Variants in ZNF804B observed in about 807,000 individuals in gnomAD.
ZNF804B encodes zinc finger protein 804B.
In ZNF804B, 80 loss-of-function variants were observed where a neutral mutation model predicts 101.4. The observed-to-expected ratio is 0.79, with a 90% confidence interval of 0.66 to 0.95. The LOEUF is 0.95. ZNF804B is among the 40% of genes least tolerant of loss of function. The probability of loss-of-function intolerance (pLI) is 0.00; values close to 1 mark genes in which losing one functional copy is unlikely to be tolerated. For synonymous variants in ZNF804B, 622 were observed against 558.8 expected (o/e 1.11, Z -1.59); for missense variants, 1,673 against 1,561.9 (o/e 1.07, Z -1.20).
intron 1 of ZNF804B, among the ~76,000 whole-genome samples, chr7:88,973,290 T>C (rs1235657873): frequency 6.6e-6 from 1 of 151,370 alleles, no homozygotes; most frequent in Non-Finnish European, 1.5e-5. Context: ...TGAATAAGTT[T>C]AGTTTATTAT....
intron 1 of ZNF804B, among the ~76,000 whole-genome samples, chr7:89,162,529 C>A (rs188870186): frequency 6.6e-6 from 1 of 151,168 alleles, no homozygotes; most frequent in Non-Finnish European, 1.5e-5. Context: ...TTCTCATTTA[C>A]TAATACCTTT....
chr7:89,234,653 T>C (rs1393517312), intron 2 of ZNF804B, among the ~76,000 whole-genome samples: 1 of 152,134 alleles, frequency 6.6e-6, no homozygotes, highest in Non-Finnish European at 1.5e-5. Flanking sequence ...TCTCTTTCTG[T>C]TTCCTCGTCT....
intron 3 of ZNF804B, among the ~76,000 whole-genome samples, chr7:89,328,266 G>C (rs889414634): frequency 2.0e-5 from 3 of 151,770 alleles, no homozygotes; most frequent in Admixed American, 1.3e-4. Context: ...CAAAATATTA[G>C]ACTTAAAAGG....
At chr7:88,808,275 A>G (rs1379024965) in intron 1 of ZNF804B, among the ~76,000 whole-genome samples, 2 of 151,652 alleles carry the variant, frequency 1.3e-5, no homozygotes, top group Non-Finnish European at 2.9e-5. Context: ...CCAGCTACTC[A>G]GGAGGCTGAG....
intron 2 of ZNF804B, among the ~76,000 whole-genome samples, chr7:89,223,610 T>TTTAC (rs1287203447): frequency 2.7e-5 from 4 of 149,430 alleles, no homozygotes; most frequent in Admixed American, 2.7e-4. Context: ...ATTAAGATTA[T>TTTAC]TTATTTATTT....
chr7:89,324,265 A>G (rs1790865516), intron 2 of ZNF804B, among the ~76,000 whole-genome samples: 1 of 151,786 alleles, frequency 6.6e-6, no homozygotes, highest in South Asian at 2.1e-4. Context: ...TTAATGCTCC[A>G]TCATCATTAT....
chr7:89,213,799 T>G (rs545182568), intron 1 of ZNF804B, among the ~76,000 whole-genome samples: 1 of 149,038 alleles, frequency 6.7e-6, no homozygotes, highest in South Asian at 2.1e-4. Flanking sequence ...TGTGCCTTAT[T>G]TTCCATATCT....
intron 2 of ZNF804B, among the ~76,000 whole-genome samples, chr7:89,300,602 T>A (rs1287242448): frequency 6.6e-6 from 1 of 151,822 alleles, no homozygotes; most frequent in Non-Finnish European, 1.5e-5. Flanking sequence ...TATGGCATAT[T>A]TGAGTCATAG....
chr7:89,122,364 G>A (rs1032532771), intron 1 of ZNF804B, among the ~76,000 whole-genome samples: 17 of 152,152 alleles, frequency 1.1e-4, no homozygotes, highest in Non-Finnish European at 2.2e-4. Context: ...GCAGAAAGTT[G>A]GTTGGGCTGC....
intron 1 of ZNF804B, among the ~76,000 whole-genome samples, chr7:88,937,730 A>G (rs1049383550): frequency 3.3e-5 from 5 of 152,192 alleles, no homozygotes; most frequent in African/African-American, 1.2e-4. Context: ...TGTTTTCAGA[A>G]AAGAAAAATC....
intron 1 of ZNF804B, among the ~76,000 whole-genome samples, chr7:89,076,514 C>G (rs781429285): frequency 6.6e-6 from 1 of 152,124 alleles, no homozygotes; most frequent in Non-Finnish European, 1.5e-5. Flanking sequence ...TTCCCAGTCT[C>G]AGGTATGTCT....
chr7:89,093,155 A>G (rs536649167), intron 1 of ZNF804B, among the ~76,000 whole-genome samples: 10 of 152,196 alleles, frequency 6.6e-5, no homozygotes, highest in African/African-American at 2.4e-4. Context: ...CTCTGAGAAA[A>G]CTGGCTCTAA....
At chr7:89,270,234 AT>A (rs1390277852) in intron 2 of ZNF804B, among the ~76,000 whole-genome samples, 1 of 152,136 alleles carries the variant, frequency 6.6e-6, no homozygotes, top group African/African-American at 2.4e-5. Flanking sequence ...TCTTGAATTA[AT>A]TTTTGTATAA....
At chr7:88,835,957 T>C (rs1791210341) in intron 1 of ZNF804B, among the ~76,000 whole-genome samples, 1 of 151,966 alleles carries the variant, frequency 6.6e-6, no homozygotes, top group Non-Finnish European at 1.5e-5. Context: ...TAAATTTGAG[T>C]GAGCCAAACA....
Position 89,327,352 on chromosome 7 carries a change from A to G in ZNF804B, c.258A>G (p.Lys86=), listed in dbSNP as rs925861564. ...TTTTCTTCTTTTTCAAGAGACTGAA[A>G]GAATTAAAGCAACGGGAATTTGCTC... The part of the protein sequence containing the change: ...SYDHAHKQRL[K]ELKQREFARN... Residue 86 remains lysine (K), a synonymous_variant, in exon 3 of 4, where the codon AAA becomes AAG. Transcript: ENST00000333190. 6.9e-6 allele frequency: 11 copies of G among 1,597,524 alleles called. No homozygotes were observed. Among genetic ancestry groups the G allele is most frequent in the Non-Finnish European group, 9.4e-6 (11 of 1,175,032 alleles).
chr7:89,149,643 T>G (rs1220437077), intron 1 of ZNF804B, among the ~76,000 whole-genome samples: 1 of 152,008 alleles, frequency 6.6e-6, no homozygotes, highest in Non-Finnish European at 1.5e-5. Context: ...GTTTCATTAC[T>G]TAACATATAG....
At chr7:88,978,353 A>T (rs35393743) in intron 1 of ZNF804B, among the ~76,000 whole-genome samples, 1 of 151,382 alleles carries the variant, frequency 6.6e-6, no homozygotes, top group African/African-American at 2.4e-5. Context: ...ACTGGGGTTT[A>T]CCTCTCTCTT....
chr7:88,813,497 T>C (rs903979189), intron 1 of ZNF804B, among the ~76,000 whole-genome samples: 27 of 152,100 alleles, frequency 1.8e-4, no homozygotes, highest in African/African-American at 6.5e-4. Flanking sequence ...TTAAGTGTTA[T>C]TATATTTTCT....
In ZNF804B at chr7:89,239,057, T is replaced by A. The variant is rs111448579; in HGVS notation, c.249+20762T>A. ...TTCTCTACAACAAGGAGTTTTATGTTTTTAAAAATAGCTATTGTCATTTGG... is the reference window on the plus strand; with the variant it reads ...TTCTCTACAACAAGGAGTTTTATGTATTTAAAAATAGCTATTGTCATTTGG... On this transcript the variant is annotated intron_variant, in intron 2 of 3. Transcript: ENST00000333190. Among the ~76,000 whole-genome samples the A allele has an allele frequency of 7.5e-3, 1,138 of 152,254 alleles. 13 individuals are homozygous for A. Among genetic ancestry groups the A allele is most frequent in the African/African-American group, 0.026 (1,085 of 41,540 alleles).
Sources: allele counts gnomAD v4.1 joint callset (sites outside exome capture counted in the v4.1 genomes callset), GRCh38; gene constraint gnomAD v4.1.1; transcripts MANE v1.5; gene names NCBI Gene and HGNC (gene_info 2026-07-23, HGNC 2026-07-21).